PIWIL1: variants seen among roughly 807,000 people sequenced by gnomAD.
The protein encoded by PIWIL1 is piwi like RNA-mediated gene silencing 1, also known as piwi-like protein 1.
PIWIL1 carries 73 observed loss-of-function variants against 114.4 expected under a neutral mutation model. That is an observed-to-expected ratio of 0.64 (90% confidence interval 0.53 to 0.78). The LOEUF (loss-of-function observed/expected upper bound fraction) is 0.78. PIWIL1 is among the 30% of genes least tolerant of loss of function. The probability of loss-of-function intolerance (pLI) is 0.00; values close to 1 mark genes in which losing one functional copy is unlikely to be tolerated. For synonymous variants in PIWIL1, 375 were observed against 369.0 expected (o/e 1.02, Z -0.19); for missense variants, 723 against 1,063.1 (o/e 0.68, Z 4.45).
intron 19 of PIWIL1, among the ~76,000 whole-genome samples, chr12:130,370,531 T>G (rs985091982): frequency 6.6e-6 from 1 of 152,204 alleles, no homozygotes; most frequent in Non-Finnish European, 1.5e-5. Flanking sequence ...ATTAGGGACC[T>G]GGGCATCCGA....
the PIWIL1 span, among the ~76,000 whole-genome samples, chr12:130,394,592 G>A: frequency 6.6e-6 from 1 of 151,820 alleles, no homozygotes; most frequent in Non-Finnish European, 1.5e-5. Context: ...GTTCGTCACT[G>A]CCAGACTGCC....
At chr12:130,414,718 A>G in the PIWIL1 span, 1 of 159,780 alleles carries the variant, frequency 6.3e-6, no homozygotes, top group Admixed American at 5.9e-5. Flanking sequence ...AAGTCCATAG[A>G]GGTGACCAAC....
At chr12:130,376,102 G>A (rs150114895), downstream of PIWIL1, among the ~76,000 whole-genome samples, 75 of 152,112 alleles carry the variant, frequency 4.9e-4, no homozygotes, top group Middle Eastern at 3.4e-3. Flanking sequence ...ACATCTCCAG[G>A]CCCAGTTTCC....
At chr12:130,425,538 C>T in the PIWIL1 span, 1 of 152,546 alleles carries the variant, frequency 6.6e-6, no homozygotes, top group Non-Finnish European at 1.5e-5. Flanking sequence ...TGCATCAAGT[C>T]CCTGAGAGCC....
intron 19 of PIWIL1, among the ~76,000 whole-genome samples, chr12:130,368,223 G>A (rs1317379056): frequency 3.3e-5 from 5 of 152,208 alleles, no homozygotes; most frequent in Admixed American, 6.5e-5. Flanking sequence ...TCAGGACAGC[G>A]AATCGTTGGG....
the PIWIL1 span, chr12:130,396,321 C>G: frequency 1.3e-5 from 2 of 152,576 alleles, no homozygotes; most frequent in African/African-American, 4.8e-5. Flanking sequence ...CATTTATAAA[C>G]CGTCCATAAA....
At chr12:130,392,498 G>GGATGCA in the PIWIL1 span, among the ~76,000 whole-genome samples, 2 of 89,290 alleles carry the variant, frequency 2.2e-5, no homozygotes, top group African/African-American at 9.2e-5. Context: ...GTCATCACGT[G>GGATGCA]TCCGTCAGTT....
intron 5 of PIWIL1, 33 bp from the exon 6 acceptor site, chr12:130,346,908 T>TA (rs2073084812): frequency 1.2e-6 from 2 of 1,601,432 alleles, no homozygotes; most frequent in Non-Finnish European, 1.7e-6. Flanking sequence ...TTTAAGGATT[T>TA]AAAGTTTGGG....
chr12:130,369,271 C>G (rs1251292505), intron 19 of PIWIL1, among the ~76,000 whole-genome samples: 4 of 152,146 alleles, frequency 2.6e-5, no homozygotes, highest in Non-Finnish European at 4.4e-5. Context: ...TGTATATATA[C>G]CACATTTTCT....
the PIWIL1 span, among the ~76,000 whole-genome samples, chr12:130,380,143 ACTTCCCACCCAAGC>A: frequency 4.3e-5 from 5 of 115,270 alleles, no homozygotes; most frequent in African/African-American, 1.9e-4. Context: ...CCCTCATCCC[ACTTCCCACCCAAGC>A]ATTGACAGTT....
At chr12:130,405,413 A>C in the PIWIL1 span, among the ~76,000 whole-genome samples, 1 of 152,294 alleles carries the variant, frequency 6.6e-6, no homozygotes, top group Admixed American at 6.5e-5. Context: ...GATTCTGATA[A>C]AGGCGGTGGG....
the PIWIL1 span, among the ~76,000 whole-genome samples, chr12:130,380,328 C>A: frequency 6.6e-6 from 1 of 152,242 alleles, no homozygotes; most frequent in East Asian, 1.9e-4. Context: ...CTAGCAACCT[C>A]TCCCCCCACC....
chr12:130,424,011 T>G, the PIWIL1 span: 6 of 453,846 alleles, frequency 1.3e-5, no homozygotes, highest in Non-Finnish European at 2.2e-5. The surrounding 1 kb of genome is among the most constrained non-coding windows in gnomAD (Gnocchi z 9.8). Context: ...AAATCAAAAA[T>G]GCAGGGAAAA....
At chr12:130,358,603 C>T (rs1030759161) in intron 14 of PIWIL1, among the ~76,000 whole-genome samples, 1 of 152,170 alleles carries the variant, frequency 6.6e-6, no homozygotes. Context: ...CACCAGTCAG[C>T]TCCTCAAACT....
Position 130,371,571 on chromosome 12 carries a change from A to C in PIWIL1, c.2559A>C (p.Ser853=). ...GTATTCACAGAGAGCCAAATCTGTCACTGTCAAACCGCCTTTACTACCTCT... is the reference window on the plus strand; with the variant it reads ...GTATTCACAGAGAGCCAAATCTGTCCCTGTCAAACCGCCTTTACTACCTCT... ...GQSIHREPNL[S]LSNRLYYL Residue 853 remains serine (S), a synonymous_variant, in exon 21 of 21, where the codon TCA becomes TCC. Transcript: ENST00000245255. The C allele has an allele frequency of 6.2e-7, 1 of 1,613,712 alleles. No individual in the cohort carries two copies. Among genetic ancestry groups the C allele is most frequent in the South Asian group, 1.1e-5 (1 of 91,070 alleles).
At chr12:130,386,261 A>G in the PIWIL1 span, among the ~76,000 whole-genome samples, 1 of 152,112 alleles carries the variant, frequency 6.6e-6, no homozygotes, top group Non-Finnish European at 1.5e-5. Flanking sequence ...AGAGTTTATC[A>G]TTGACCCCTG....
rs558437433 is a variant in PIWIL1 at position 130,371,111 on chromosome 12, T to C, written c.2322-65T>C. On this transcript the variant is annotated intron_variant, in intron 19 of 20. Coordinates refer to ENST00000245255, the MANE Select transcript of PIWIL1 (RefSeq NM_004764.5). ...TGAAGAGTGGTACAGAGCTTTTCAC[T>C]GTAAGAAACTGGAATCACCCTAATT... is the stretch of plus-strand genomic sequence containing the variant. The C allele has an allele frequency of 1.3e-5, 18 of 1,372,760 alleles. No homozygotes were observed. The East Asian group carries it at 3.9e-4, about 30-fold the overall frequency. The allele number at this position is 1,372,760 out of a possible 1,614,324, so 85.0% of individuals were successfully genotyped here.
At chr12:130,364,930 TTG>T (rs1179160795) in intron 18 of PIWIL1, among the ~76,000 whole-genome samples, 1 of 152,230 alleles carries the variant, frequency 6.6e-6, no homozygotes, top group Non-Finnish European at 1.5e-5. Context: ...TTGAGCTGAA[TTG>T]TAGGGCTACT....
rs2073054978 is a variant in PIWIL1, at chr12:130,345,859, T to C, written c.297T>C (p.His99=). ...LGVNTRQNLD[H]VKESKTGSSG... is the part of the protein sequence containing the mutation. ...TGAATACAAGGCAGAACCTAGACCA[T>C]GTTAAAGAATCAAAAACAGGTAGGT... The change falls in exon 4 of 21, where the codon CAT becomes CAC. Residue 99 remains histidine (H), a synonymous_variant. Coordinates refer to ENST00000245255, the MANE Select transcript of PIWIL1 (RefSeq NM_004764.5). The C allele has an allele frequency of 1.9e-6, 3 of 1,613,552 alleles. No homozygotes were observed. The African/African-American group carries it at 4.0e-5, about 22-fold the overall frequency.
Sources: allele counts gnomAD v4.1 joint callset (sites outside exome capture counted in the v4.1 genomes callset), GRCh38; gene constraint gnomAD v4.1.1; non-coding constraint Gnocchi (gnomAD v3.1); transcripts MANE v1.5; gene names NCBI Gene and HGNC (gene_info 2026-07-23, HGNC 2026-07-21).